Variants in ZNF628 observed in about 807,000 individuals in gnomAD.
ZNF628 encodes the protein zinc finger protein 628, also known as zinc finger protein Zec.
ZNF628 carries 3 observed loss-of-function variants against 2.5 expected under a neutral mutation model. The ratio of observed to expected loss-of-function variants is 1.19; its 90% CI spans 0.54 to 3.07. ZNF628 has a LOEUF of 3.07. Ranked by LOEUF, ZNF628 falls within the 30% of genes most tolerant of loss-of-function variation. The pLI is 0.03. For synonymous variants in ZNF628, 861 were observed against 717.1 expected (o/e 1.20, Z -3.21); for missense variants, 1,610 against 1,517.1 (o/e 1.06, Z -1.02).
Position 55,483,904 on chromosome 19 carries a change from C to T in ZNF628, c.2711C>T (p.Pro904Leu), listed in dbSNP as rs1274135536. 6.9e-6 allele frequency: 11 copies of T among 1,593,062 alleles called. No homozygotes were observed. The highest frequency in any genetic ancestry group is 1.7e-5 in the Admixed American group (1 of 57,878). The change falls in exon 3 of 3, where the codon CCG becomes CTG. Residue 904 changes from proline to leucine, a missense_variant. Physicochemically the swap from Pro to Leu is moderately conservative, Grantham distance 98 (BLOSUM62 -3). Around this residue, in one of 5 missense-constraint regions of ZNF628, gnomAD observed 712 missense variants for 603.6 expected, o/e 1.18. Coordinates refer to ENST00000598519, the MANE Select transcript of ZNF628 (RefSeq NM_033113.3). ...GCAGCTGAGGAGTTGCTCACTGGCC[C>T]GGGCCCCGGGGAGGCGGGGGATGGC... ...SGAAEELLTG[P>L]GPGEAGDGEA... is the part of the protein sequence containing the mutation.
In ZNF628 at chr19:55,483,907, G is replaced by C. The variant is rs1244657329; in HGVS notation, c.2714G>C (p.Gly905Ala). Residue 905 changes from glycine (G) to alanine (A), a missense_variant, in exon 3 of 3, where the codon GGC (glycine) becomes GCC (alanine). Physicochemically the swap from Gly to Ala is moderately conservative, Grantham distance 60. Around this residue, in one of 5 missense-constraint regions of ZNF628, gnomAD observed 712 missense variants for 603.6 expected, o/e 1.18. Transcript: ENST00000598519. The part of the protein sequence containing the change: ...GAAEELLTGP[G>A]PGEAGDGEAS... Reference sequence around the variant, plus strand: ...GCTGAGGAGTTGCTCACTGGCCCGGGCCCCGGGGAGGCGGGGGATGGCGAG... The same window carrying C: ...GCTGAGGAGTTGCTCACTGGCCCGGCCCCCGGGGAGGCGGGGGATGGCGAG... 1 of 1,589,128 alleles carries C rather than the reference G, an allele frequency of 6.3e-7. No individual in the cohort carries two copies. Among genetic ancestry groups the C allele is most frequent in the African/African-American group, 1.3e-5 (1 of 74,630 alleles).
intron 1 of ZNF628, among the ~76,000 whole-genome samples, chr19:55,478,149 C>G (rs373903110): frequency 1.3e-5 from 2 of 152,142 alleles, no homozygotes; most frequent in African/African-American, 2.4e-5. Context: ...CTGCTCGACA[C>G]CCTGCAGTGC....
rs201469671 is a variant in ZNF628, at chr19:55,483,065, C to T, written c.1872C>T (p.Cys624=). The change falls in exon 3 of 3, where the codon TGC becomes TGT. Residue 624 remains cysteine, a synonymous_variant. Transcript: ENST00000598519. ...RTHSAERPFT[C]PICGRGFVMA... is the part of the protein sequence containing the mutation. ...ACTCGGCGGAGCGCCCCTTCACCTG[C>T]CCCATCTGCGGTCGCGGCTTCGTTA... 9.9e-6 allele frequency: 16 copies of T among 1,610,734 alleles called. No homozygotes were observed. Among genetic ancestry groups the T allele is most frequent in the Middle Eastern group, 1.7e-4 (1 of 6,060 alleles).
rs1300177137 is a variant in ZNF628 at position 55,483,410 on chromosome 19, T to C, written c.2217T>C (p.Pro739=). 1 of 1,526,234 alleles carries C rather than the reference T, an allele frequency of 6.6e-7. No individual in the cohort carries two copies. 94.5% of individuals were successfully genotyped at this position (1,526,234 alleles called of 1,614,324 possible). A position where few individuals can be genotyped will look rare whatever the true frequency, so the allele number is the denominator to read the frequency against. The part of the protein sequence containing the change: ...QPPTPPPPPA[P]PKLILLPSSS... ...CTACACCTCCGCCCCCTCCCGCACC[T>C]CCCAAGCTCATCCTGCTGCCCTCCT... Residue 739 remains proline, a synonymous_variant, in exon 3 of 3, where the codon CCT becomes CCC. Transcript: ENST00000598519.
At chr19:55,480,612 G>C (rs1297330414) in intron 2 of ZNF628, among the ~76,000 whole-genome samples, 1 of 152,180 alleles carries the variant, frequency 6.6e-6, no homozygotes, top group African/African-American at 2.4e-5. Flanking sequence ...ATAGAGACAG[G>C]GTTTGACCAT....
Position 55,483,287 on chromosome 19 carries a change from G to A in ZNF628, c.2094G>A (p.Gln698=), listed in dbSNP as rs1373082941. 2 of 1,518,846 alleles carry A rather than the reference G, an allele frequency of 1.3e-6. No individual in the cohort carries two copies. Among genetic ancestry groups the A allele is most frequent in the Admixed American group, 2.1e-5 (1 of 48,020 alleles). 94.1% of individuals were successfully genotyped at this position (1,518,846 alleles called of 1,614,324 possible). A position where few individuals can be genotyped will look rare whatever the true frequency, so the allele number is the denominator to read the frequency against. Residue 698 remains glutamine, a synonymous_variant, in exon 3 of 3, where the codon CAG becomes CAA. Coordinates refer to ENST00000598519, the MANE Select transcript of ZNF628 (RefSeq NM_033113.3). ...LSLEVAGGTA[Q]APSLGPAAPN... ...TCGAGGTGGCGGGGGGCACGGCCCA[G>A]GCCCCGAGCTTGGGGCCAGCAGCGC...
In ZNF628 at chr19:55,483,068, C is replaced by T. The variant is rs765562671; in HGVS notation, c.1875C>T (p.Pro625=). 10 of 1,610,326 alleles carry T rather than the reference C, an allele frequency of 6.2e-6. No individual in the cohort carries two copies. The East Asian group carries it at 2.0e-4, about 32-fold the overall frequency. ...THSAERPFTC[P]ICGRGFVMAA... ...CGGCGGAGCGCCCCTTCACCTGCCCCATCTGCGGTCGCGGCTTCGTTATGG... is the reference window on the plus strand; with the variant it reads ...CGGCGGAGCGCCCCTTCACCTGCCCTATCTGCGGTCGCGGCTTCGTTATGG... The change falls in exon 3 of 3, where the codon CCC becomes CCT. Residue 625 remains proline (P), a synonymous_variant. Transcript: ENST00000598519.
Position 55,481,722 on chromosome 19 carries a change from A to G in ZNF628, c.529A>G (p.Thr177Ala). The change falls in exon 3 of 3, where the codon ACC becomes GCC. Residue 177 changes from threonine (T) to alanine (A), a missense_variant. Coordinates refer to ENST00000598519, the MANE Select transcript of ZNF628 (RefSeq NM_033113.3). ...CGTGCACACCGGCGAGCGGCCCTAC[A>G]CCTGTGGAGTCTGCGGGAAGAGCTT... ...RHVHTGERPY[T>A]CGVCGKSFTQ... 2 of 1,610,594 alleles carry G rather than the reference A, an allele frequency of 1.2e-6. No homozygotes were observed. The highest frequency in any genetic ancestry group is 1.7e-6 in the Non-Finnish European group (2 of 1,178,910).
Position 55,483,602 on chromosome 19 carries a change from G to A in ZNF628, c.2409G>A (p.Gln803=). 6.2e-7 allele frequency: 1 copy of A among 1,613,192 alleles called. No individual in the cohort carries two copies. The part of the protein sequence containing the change: ...SGTGQSLIVL[Q]NVGGGEAGPQ... ...CAGGGCAGAGCCTCATCGTTCTGCA[G>A]AATGTGGGGGGTGGGGAGGCAGGGC... Residue 803 remains glutamine (Q), a synonymous_variant, in exon 3 of 3, where the codon CAG becomes CAA. Coordinates refer to ENST00000598519, the MANE Select transcript of ZNF628 (RefSeq NM_033113.3).
chr19:55,481,879 C>T lies in ZNF628; in HGVS notation c.686C>T (p.Ala229Val), dbSNP rs758256963. The change falls in exon 3 of 3, where the codon GCC becomes GTC. Residue 229 changes from alanine (A) to valine (V), a missense_variant. This residue lies in a region of ZNF628 where 651 missense variants were observed against 575.6 expected (regional missense o/e 1.13). Transcript: ENST00000598519. ...CTGCACCAGCGCACGCACGGCGCCG[C>T]CCCCGCCCCGGGTACCGCCTCCGCG... ...LLLHQRTHGA[A>V]PAPGTASAAP... 2.0e-6 allele frequency: 3 copies of T among 1,531,742 alleles called. No individual in the cohort carries two copies. The highest frequency in any genetic ancestry group is 2.6e-6 in the Non-Finnish European group (3 of 1,141,842). The allele number at this position is 1,531,742 out of a possible 1,614,324, so 94.9% of individuals were successfully genotyped here.
In ZNF628 at chr19:55,483,409, C is replaced by T. The variant is rs772346352; in HGVS notation, c.2216C>T (p.Pro739Leu). 4.6e-6 allele frequency: 7 copies of T among 1,526,168 alleles called. No individual in the cohort carries two copies. Among genetic ancestry groups the T allele is most frequent in the Non-Finnish European group, 6.1e-6 (7 of 1,138,468 alleles). 94.5% of individuals were successfully genotyped at this position (1,526,168 alleles called of 1,614,324 possible). A position where few individuals can be genotyped will look rare whatever the true frequency, so the allele number is the denominator to read the frequency against. ...CCTACACCTCCGCCCCCTCCCGCAC[C>T]TCCCAAGCTCATCCTGCTGCCCTCC... ...QPPTPPPPPA[P>L]PKLILLPSSS... Residue 739 changes from proline to leucine, a missense_variant, in exon 3 of 3, where the codon CCT becomes CTT. Physicochemically the swap from Pro to Leu is moderately conservative, Grantham distance 98 (BLOSUM62 -3). Around this residue, in one of 5 missense-constraint regions of ZNF628, gnomAD observed 712 missense variants for 603.6 expected, o/e 1.18. Transcript: ENST00000598519.
rs369975201 is a variant in ZNF628, at chr19:55,483,317, C to T, written c.2124C>T (p.Asn708=). 1 of 1,532,866 alleles carries T rather than the reference C, an allele frequency of 6.5e-7. No homozygotes were observed. Among genetic ancestry groups the T allele is most frequent in the African/African-American group, 1.4e-5 (1 of 72,868 alleles). The allele number at this position is 1,532,866 out of a possible 1,614,324, so 95.0% of individuals were successfully genotyped here. A position where few individuals can be genotyped will look rare whatever the true frequency, so the allele number is the denominator to read the frequency against. The change falls in exon 3 of 3, where the codon AAC becomes AAT. Residue 708 remains asparagine, a synonymous_variant. Transcript: ENST00000598519. ...QAPSLGPAAP[N]SQTFLLVQTA... The stretch of plus-strand genomic sequence containing the variant: ...CGAGCTTGGGGCCAGCAGCGCCCAA[C>T]TCTCAGACGTTCCTCCTGGTGCAAA...
chr19:55,481,807 G>T lies in ZNF628; in HGVS notation c.614G>T (p.Arg205Leu), dbSNP rs1482771093. 1 of 1,601,676 alleles carries T rather than the reference G, an allele frequency of 6.2e-7. No homozygotes were observed. The highest frequency in any genetic ancestry group is 2.3e-5 in the East Asian group (1 of 44,180). Residue 205 changes from arginine (R) to leucine (L), a missense_variant, in exon 3 of 3, where the codon CGC becomes CTC. Coordinates refer to ENST00000598519, the MANE Select transcript of ZNF628 (RefSeq NM_033113.3). The stretch of plus-strand genomic sequence containing the variant: ...GTGCACACGGGCGAGCGGCCCTTCC[G>T]CTGCCCGCTCTGCCCCAAGACCTTC... ...QRVHTGERPFRCPLCPKTFTH... is the reference protein window; with the variant it reads ...QRVHTGERPFLCPLCPKTFTH...
At chr19:55,480,831 A>T (rs1402673373) in intron 2 of ZNF628, among the ~76,000 whole-genome samples, 1 of 152,222 alleles carries the variant, frequency 6.6e-6, no homozygotes, top group African/African-American at 2.4e-5. Context: ...AGGAGGAGCC[A>T]GGAGAGCCTC....
intron 2 of ZNF628, among the ~76,000 whole-genome samples, chr19:55,480,581 G>A (rs915953842): frequency 2.6e-5 from 4 of 152,130 alleles, no homozygotes; most frequent in African/African-American, 7.2e-5. Flanking sequence ...CCACCATGCC[G>A]GGCTAATTTT....
At chr19:55,478,667 G>A (rs995424119) in intron 1 of ZNF628, among the ~76,000 whole-genome samples, 2 of 152,250 alleles carry the variant, frequency 1.3e-5, no homozygotes, top group African/African-American at 2.4e-5. Flanking sequence ...GTGGAAACAC[G>A]GCGATCCGTG....
In ZNF628 at chr19:55,482,150, C is replaced by G; in HGVS notation, c.957C>G (p.Pro319=). The part of the protein sequence containing the change: ...LLLEHQPCPG[P]DAAPQPQEAP... ...TGGAGCACCAGCCGTGCCCCGGGCC[C>G]GATGCGGCGCCCCAGCCCCAGGAGG... Residue 319 remains proline (P), a synonymous_variant, in exon 3 of 3, where the codon CCC becomes CCG. Transcript: ENST00000598519. 6.7e-7 allele frequency: 1 copy of G among 1,499,942 alleles called. No homozygotes were observed. The allele number at this position is 1,499,942 out of a possible 1,614,324, so 92.9% of individuals were successfully genotyped here.
intron 1 of ZNF628, among the ~76,000 whole-genome samples, chr19:55,477,362 T>G (rs796376811): frequency 2.3e-4 from 35 of 152,088 alleles, no homozygotes; most frequent in Non-Finnish European, 3.2e-4. Flanking sequence ...TGTTTTTTTT[T>G]TTTTTTTTTT....
At position 55,483,623 on chromosome 19, in the gene ZNF628, A is replaced by G. The variant is rs942769747; in HGVS notation, c.2430A>G (p.Ala810=). The change falls in exon 3 of 3, where the codon GCA becomes GCG. Residue 810 remains alanine, a synonymous_variant. Coordinates refer to ENST00000598519, the MANE Select transcript of ZNF628 (RefSeq NM_033113.3). ...TGCAGAATGTGGGGGGTGGGGAGGCAGGGCCACAGGAAATGAGTGGGGTGC... is the reference window on the plus strand; with the variant it reads ...TGCAGAATGTGGGGGGTGGGGAGGCGGGGCCACAGGAAATGAGTGGGGTGC... ...IVLQNVGGGE[A]GPQEMSGVQL... 1 of 1,613,470 alleles carries G rather than the reference A, an allele frequency of 6.2e-7. No individual in the cohort carries two copies. Among genetic ancestry groups the G allele is most frequent in the Non-Finnish European group, 8.5e-7 (1 of 1,179,788 alleles).
Sources: gnomAD v4.1 joint callset for allele counts (sites outside exome capture counted in the v4.1 genomes callset) on GRCh38, gnomAD v4.1.1 for gene constraint, gnomAD v4.1.1 regional missense constraint, MANE v1.5 for transcripts, NCBI Gene and HGNC (gene_info 2026-07-23, HGNC 2026-07-21) for gene names.